The following PEPD variants were observed in gnomAD, a reference collection of about 807,000 sequenced individuals.
The protein encoded by PEPD is xaa-Pro dipeptidase.
PEPD carries 53 observed loss-of-function variants against 60.7 expected under a neutral mutation model. That is an observed-to-expected ratio of 0.87 (90% confidence interval 0.70 to 1.10). The LOEUF (loss-of-function observed/expected upper bound fraction) is 1.10, where lower values mean the gene tolerates loss of function less well. Among genes scored for constraint, PEPD ranks in the 50% least tolerant of loss-of-function variants. PEPD has a pLI of 0.00. For missense variants in PEPD, 711 were observed against 711.9 expected, an observed-to-expected ratio of 1.00 and a Z score of 0.01; for synonymous variants, 267 against 284.1, an observed-to-expected ratio of 0.94 and a Z score of 0.60.
chr19:33,446,592 C>T (rs2145243513), intron 9 of PEPD, among the ~76,000 whole-genome samples: 1 of 152,348 alleles, frequency 6.6e-6, no homozygotes, highest in South Asian at 2.1e-4. Flanking sequence ...CAGTCACATG[C>T]TGGCCTAGCA....
chr19:33,435,560 C>A (rs560205871), intron 9 of PEPD, among the ~76,000 whole-genome samples: 1 of 152,226 alleles, frequency 6.6e-6, no homozygotes, highest in East Asian at 1.9e-4. Flanking sequence ...CCCCCTCGTT[C>A]GGTCCCAGCA....
chr19:33,468,714 C>T (rs1250306186), intron 7 of PEPD, among the ~76,000 whole-genome samples: 1 of 152,200 alleles, frequency 6.6e-6, no homozygotes, highest in Admixed American at 6.5e-5. Context: ...GACACCTTCC[C>T]GAGACCACAG....
chr19:33,435,907 G>A (rs1969366778), intron 9 of PEPD, among the ~76,000 whole-genome samples: 1 of 152,180 alleles, frequency 6.6e-6, no homozygotes, highest in African/African-American at 2.4e-5. Context: ...AAACACTGGT[G>A]GAAGGTGGGG....
chr19:33,491,679 G>A (rs1476367428), intron 5 of PEPD, among the ~76,000 whole-genome samples: 1 of 152,084 alleles, frequency 6.6e-6, no homozygotes, highest in Non-Finnish European at 1.5e-5. Flanking sequence ...TATTTGTCCC[G>A]ATTGGCTAGC....
intron 9 of PEPD, among the ~76,000 whole-genome samples, chr19:33,427,925 G>A (rs928443994): frequency 1.3e-5 from 2 of 151,976 alleles, no homozygotes; most frequent in East Asian, 1.9e-4. Flanking sequence ...CCGGAGATCC[G>A]TGCAGCAGTG....
intron 12 of PEPD, among the ~76,000 whole-genome samples, chr19:33,401,123 C>T (rs750663029): frequency 1.2e-4 from 18 of 152,168 alleles, no homozygotes; most frequent in African/African-American, 1.7e-4. Flanking sequence ...CTACGCTGGC[C>T]GCTGGGAGAG....
At chr19:33,425,625 C>T (rs1969129332) in intron 9 of PEPD, among the ~76,000 whole-genome samples, 1 of 152,028 alleles carries the variant, frequency 6.6e-6, no homozygotes, top group Admixed American at 6.5e-5. Flanking sequence ...CTGTTAATGG[C>T]AAATTAGATT....
At chr19:33,459,400 A>C (rs144164054) in intron 9 of PEPD, among the ~76,000 whole-genome samples, 3 of 152,232 alleles carry the variant, frequency 2.0e-5, no homozygotes, top group Non-Finnish European at 4.4e-5. Flanking sequence ...GCATGCTCTA[A>C]ATTAGCGTTT....
chr19:33,411,595 T>G, intron 11 of PEPD, 77 bp downstream of exon 11: 1 of 806,788 alleles, frequency 1.2e-6, no homozygotes, highest in Non-Finnish European at 2.2e-6. Context: ...CCCAGAGGCT[T>G]CTGGGCCATC....
intron 11 of PEPD, among the ~76,000 whole-genome samples, chr19:33,403,664 T>C (rs1968553003): frequency 6.6e-6 from 1 of 152,108 alleles, no homozygotes; most frequent in East Asian, 1.9e-4. Context: ...AGCCGCCCCA[T>C]GGAGGCAGAT....
intron 3 of PEPD, among the ~76,000 whole-genome samples, chr19:33,507,684 G>A (rs527658419): frequency 1.4e-4 from 22 of 152,266 alleles, no homozygotes; most frequent in Admixed American, 5.2e-4. Context: ...AGGTACTCCC[G>A]TCAGCCTCGC....
At chr19:33,506,616 CATGCCCACTCACA>C (rs1970817529) in intron 3 of PEPD, among the ~76,000 whole-genome samples, 1 of 145,896 alleles carries the variant, frequency 6.9e-6, no homozygotes, top group African/African-American at 2.6e-5. Context: ...ACACACCACA[CATGCCCACTCACA>C]ACACAGCACA....
At chr19:33,511,997 T>A (rs944039939) in intron 2 of PEPD, among the ~76,000 whole-genome samples, 1 of 152,124 alleles carries the variant, frequency 6.6e-6, no homozygotes, top group African/African-American at 2.4e-5. Context: ...CGCCTTCCCA[T>A]ATCCTCTCCA....
Position 33,401,781 on chromosome 19 carries a change from T to C in PEPD, c.907A>G (p.Lys303Glu). ...CGCAGCACTGCCTCATAGACGGCCT[T>C]CTGGTCTGCAGTGAACTTGCCGTTG... The part of the protein sequence containing the change: ...PANGKFTADQ[K>E]AVYEAVLRSS... The change falls in exon 12 of 15, where the codon AAG becomes GAG. Residue 303 changes from lysine (K) to glutamate (E), a missense_variant. Transcript: ENST00000244137. 1 of 1,612,408 alleles carries C rather than the reference T, an allele frequency of 6.2e-7. No homozygotes were observed. The highest frequency in any genetic ancestry group is 1.1e-5 in the South Asian group (1 of 90,834).
At chr19:33,497,129 G>A (rs1040829795) in intron 4 of PEPD, among the ~76,000 whole-genome samples, 3 of 152,276 alleles carry the variant, frequency 2.0e-5, no homozygotes, top group Non-Finnish European at 2.9e-5. Flanking sequence ...ATCACCAACA[G>A]TCTGGATGTG....
At chr19:33,513,700 G>A (rs1299400018) in intron 1 of PEPD, among the ~76,000 whole-genome samples, 1 of 152,136 alleles carries the variant, frequency 6.6e-6, no homozygotes, top group Non-Finnish European at 1.5e-5. Context: ...TTCTCTGAGT[G>A]CAGACTTCAC....
chr19:33,491,309 G>A (rs1907598414), intron 5 of PEPD, among the ~76,000 whole-genome samples: 1 of 152,022 alleles, frequency 6.6e-6, no homozygotes, highest in South Asian at 2.1e-4. Flanking sequence ...TATTAGCTGG[G>A]TGTGGTGGTG....
At chr19:33,496,186 G>A (rs1172616815) in intron 4 of PEPD, among the ~76,000 whole-genome samples, 1 of 152,202 alleles carries the variant, frequency 6.6e-6, no homozygotes, top group Non-Finnish European at 1.5e-5. Flanking sequence ...CAGAAAGCCA[G>A]GAGGCACTTG....
At chr19:33,399,338 T>C (rs1600083497) in intron 12 of PEPD, among the ~76,000 whole-genome samples, 1 of 152,342 alleles carries the variant, frequency 6.6e-6, no homozygotes, top group East Asian at 1.9e-4. Flanking sequence ...CGGCAGCTGC[T>C]AAACCAGGTG....
Sources: gnomAD v4.1 joint callset for allele counts (sites outside exome capture counted in the v4.1 genomes callset) on GRCh38, gnomAD v4.1.1 for gene constraint, MANE v1.5 for transcripts, NCBI Gene and HGNC (gene_info 2026-07-23, HGNC 2026-07-21) for gene names.